NTM: variants seen among roughly 807,000 people sequenced by gnomAD.
NTM encodes the protein neurotrimin.
NTM carries 13 observed loss-of-function variants against 42.1 expected under a neutral mutation model. The observed-to-expected ratio is 0.31, with a 90% CI of 0.20 to 0.49. NTM has a LOEUF of 0.49. NTM is among the 20% of genes least tolerant of loss of function. The pLI, the probability that NTM is intolerant of heterozygous loss-of-function variation, is 0.99. For synonymous variants in NTM, 187 were observed against 179.2 expected (o/e 1.04, Z -0.35); for missense variants, 373 against 452.8 (o/e 0.82, Z 1.60).
At chr11:131,586,935 C>A (rs938119869) in intron 1 of NTM, among the ~76,000 whole-genome samples, 1 of 152,054 alleles carries the variant, frequency 6.6e-6, no homozygotes, top group African/African-American at 2.4e-5. Context: ...AGGTATCAGG[C>A]AATCTACTAT....
chr11:131,691,294 G>C (rs966279184), intron 1 of NTM, among the ~76,000 whole-genome samples: 26 of 152,330 alleles, frequency 1.7e-4, no homozygotes, highest in African/African-American at 5.3e-4. Flanking sequence ...CCCTCTGTTG[G>C]CGGCCGGGGG....
chr11:131,738,538 C>T lies in NTM; in HGVS notation c.83-173026C>T, dbSNP rs544797759. Reference sequence around the variant, plus strand: ...TCATGAAAGTGAAGTGGCTTTTACACTGCATTCAATATTGTGAGTTCTAGA... The same window carrying T: ...TCATGAAAGTGAAGTGGCTTTTACATTGCATTCAATATTGTGAGTTCTAGA... On this transcript the variant is annotated intron_variant, in intron 1 of 8. Coordinates refer to ENST00000683400, the MANE Select transcript of NTM (RefSeq NM_001352005.2). Among the ~76,000 whole-genome samples the T allele has an allele frequency of 7.2e-5, 11 of 152,358 alleles. No homozygotes were observed. The South Asian group carries it at 1.9e-3, about 26-fold the overall frequency.
chr11:131,736,602 T>C (rs946444896), intron 1 of NTM, among the ~76,000 whole-genome samples: 3 of 152,174 alleles, frequency 2.0e-5, no homozygotes, highest in Non-Finnish European at 2.9e-5. Context: ...CAGCTGGAGA[T>C]GGCTCAGAGA....
intron 2 of NTM, among the ~76,000 whole-genome samples, chr11:132,136,299 C>T (rs538048726): frequency 2.0e-4 from 31 of 152,340 alleles, no homozygotes; most frequent in Admixed American, 1.1e-3. Context: ...CTCACTCTCA[C>T]CTAGGCCCCA....
At chr11:131,700,193 C>A (rs1835822432) in intron 1 of NTM, among the ~76,000 whole-genome samples, 1 of 151,978 alleles carries the variant, frequency 6.6e-6, no homozygotes, top group Non-Finnish European at 1.5e-5. Flanking sequence ...TATTGGTTAC[C>A]AGCCAAAAAA....
intron 4 of NTM, among the ~76,000 whole-genome samples, chr11:132,278,743 TTCTCTCTCTCTCTCTCTCTCTCTCTC>T (rs66748602): frequency 7.2e-6 from 1 of 137,994 alleles, no homozygotes; most frequent in Non-Finnish European, 1.5e-5. Context: ...TCATTTGGGC[TTCTCTCTCTCTCTCTCTCTCTCTCTC>T]TCTCTCTCTC....
chr11:131,748,395 T>C (rs1347633179), intron 1 of NTM, among the ~76,000 whole-genome samples: 1 of 152,236 alleles, frequency 6.6e-6, no homozygotes, highest in African/African-American at 2.4e-5. Context: ...CACAGCCGGC[T>C]AACTTGGAAA....
intron 2 of NTM, among the ~76,000 whole-genome samples, chr11:132,113,410 C>T (rs2063484448): frequency 6.6e-6 from 1 of 152,184 alleles, no homozygotes; most frequent in African/African-American, 2.4e-5. Context: ...TATCTGAAAG[C>T]CAGTCTGTGT....
intron 1 of NTM, among the ~76,000 whole-genome samples, chr11:131,907,614 T>A (rs563280109): frequency 2.0e-5 from 3 of 152,106 alleles, no homozygotes; most frequent in Non-Finnish European, 2.9e-5. Flanking sequence ...ACAGTATATG[T>A]GTATGCACGA....
At chr11:131,954,393 C>T (rs773281067) in intron 2 of NTM, among the ~76,000 whole-genome samples, 1 of 152,204 alleles carries the variant, frequency 6.6e-6, no homozygotes, top group Non-Finnish European at 1.5e-5. Flanking sequence ...AAGCCTTCAC[C>T]TGGACACGAT....
intron 2 of NTM, among the ~76,000 whole-genome samples, chr11:132,128,253 T>C (rs1052530979): frequency 6.6e-6 from 1 of 152,004 alleles, no homozygotes; most frequent in East Asian, 1.9e-4. Context: ...TTTTTTTACA[T>C]TGATAAACAT....
intron 4 of NTM, among the ~76,000 whole-genome samples, chr11:132,240,166 A>G (rs1290458627): frequency 6.6e-6 from 1 of 152,226 alleles, no homozygotes; most frequent in Non-Finnish European, 1.5e-5. Flanking sequence ...AAAAGTAAAA[A>G]CAAATGAGAC....
intron 7 of NTM, 185 bp from the exon 8 acceptor site, chr11:132,329,968 G>GA (rs1194579319): frequency 1.1e-5 from 6 of 524,832 alleles, no homozygotes; most frequent in South Asian, 8.3e-5. Context: ...AAGTAAACCA[G>GA]AAAACCAGAG....
At position 132,278,126 on chromosome 11, in the gene NTM, T is replaced by C. The variant is rs2093806662; in HGVS notation, c.527-29563T>C. ...TCTTCCTTACCTTAGTTCAACACTC[T>C]GCATCCTTTACAGCCTACCCAATAC... On this transcript the variant is annotated intron_variant, in intron 4 of 8. Transcript: ENST00000683400. Among the ~76,000 whole-genome samples, 4 of 152,368 alleles carry C rather than the reference T, an allele frequency of 2.6e-5. No individual in the cohort carries two copies. In the South Asian group the frequency reaches 8.3e-4, roughly 32 times the overall value.
intron 1 of NTM, among the ~76,000 whole-genome samples, chr11:131,506,220 C>G (rs1481953280): frequency 6.6e-6 from 1 of 152,146 alleles, no homozygotes; most frequent in East Asian, 1.9e-4. Flanking sequence ...GAACTCCAGG[C>G]CCTTTCCGTA....
chr11:132,267,294 C>G (rs1207616208), intron 4 of NTM, among the ~76,000 whole-genome samples: 1 of 152,148 alleles, frequency 6.6e-6, no homozygotes, highest in Non-Finnish European at 1.5e-5. Flanking sequence ...GATGCTGCTA[C>G]TAAAACATTG....
At chr11:132,134,783 A>G (rs891343295) in intron 2 of NTM, among the ~76,000 whole-genome samples, 8 of 129,184 alleles carry the variant, frequency 6.2e-5, no homozygotes, top group African/African-American at 1.9e-4. Flanking sequence ...TTATCTATTC[A>G]TTGATTGACA....
At chr11:131,512,578 A>C (rs1197480147) in intron 1 of NTM, among the ~76,000 whole-genome samples, 6 of 152,154 alleles carry the variant, frequency 3.9e-5, no homozygotes, top group African/African-American at 1.2e-4. Context: ...TACTGCCCTC[A>C]GTTTCTCTCA....
At chr11:131,631,483 A>T (rs1163094254) in intron 1 of NTM, among the ~76,000 whole-genome samples, 1 of 152,202 alleles carries the variant, frequency 6.6e-6, no homozygotes, top group African/African-American at 2.4e-5. Flanking sequence ...AATAAAAAAA[A>T]TGAAAGCCAC....
Sources: gnomAD v4.1 joint callset for allele counts (sites outside exome capture counted in the v4.1 genomes callset) on GRCh38, gnomAD v4.1.1 for gene constraint, MANE v1.5 for transcripts, NCBI Gene and HGNC (gene_info 2026-07-23, HGNC 2026-07-21) for gene names.